CCSER1: variants seen among roughly 807,000 people sequenced by gnomAD.
CCSER1 encodes the protein serine-rich coiled-coil domain-containing protein 1.
In CCSER1, 41 loss-of-function variants were observed where a neutral mutation model predicts 82.0. The observed-to-expected ratio is 0.50, with a 90% CI of 0.39 to 0.65. The LOEUF (loss-of-function observed/expected upper bound fraction) is 0.65. Ranked by LOEUF, CCSER1 falls within the 30% of genes least tolerant of loss-of-function variation. The probability of loss-of-function intolerance (pLI) is 0.00; values close to 1 mark genes in which losing one functional copy is unlikely to be tolerated. For synonymous variants in CCSER1, 414 were observed against 383.9 expected (o/e 1.08, Z -0.92); for missense variants, 1,119 against 1,064.2 (o/e 1.05, Z -0.72).
intron 7 of CCSER1, among the ~76,000 whole-genome samples, chr4:90,747,422 C>G (rs1747679949): frequency 6.6e-6 from 1 of 151,660 alleles, no homozygotes; most frequent in African/African-American, 2.4e-5. Context: ...ACTATAGCAA[C>G]AAAATACCAG....
At chr4:90,265,877 G>A (rs557373513) in intron 1 of CCSER1, among the ~76,000 whole-genome samples, 231 of 152,116 alleles carry the variant, frequency 1.5e-3, no homozygotes, top group African/African-American at 5.4e-3. Context: ...TGCTTAAATA[G>A]CTCTATTATA....
Position 90,542,248 on chromosome 4 carries a change from T to C in CCSER1, c.1724+73894T>C, listed in dbSNP as rs572061369. On this transcript the variant is annotated intron_variant, in intron 5 of 10. Coordinates refer to ENST00000509176, the MANE Select transcript of CCSER1 (RefSeq NM_001145065.2). ...AAACAGTCATCAAAATGACCAAGAGTAATATAGCCTCAGATTTCTCTTTGT... is the reference window on the plus strand; with the variant it reads ...AAACAGTCATCAAAATGACCAAGAGCAATATAGCCTCAGATTTCTCTTTGT... 2.6e-5 allele frequency among the ~76,000 whole-genome samples: 4 copies of C among 152,068 alleles called. No homozygotes were observed. The East Asian group carries it at 7.7e-4, about 29-fold the overall frequency.
intron 6 of CCSER1, among the ~76,000 whole-genome samples, chr4:90,666,913 G>A (rs545877932): frequency 6.6e-6 from 1 of 152,214 alleles, no homozygotes; most frequent in South Asian, 2.1e-4. Context: ...AGTGGTGAAA[G>A]GCAAAGTGAA....
intron 9 of CCSER1, among the ~76,000 whole-genome samples, chr4:90,940,561 A>G (rs1731472806): frequency 1.3e-5 from 2 of 152,222 alleles, no homozygotes; most frequent in South Asian, 4.1e-4. Context: ...TTTTGTTTTT[A>G]GAAAAATGCG....
At position 90,559,772 on chromosome 4, in the gene CCSER1, T is replaced by G. The variant is rs1041996067; in HGVS notation, c.1725-68253T>G. On this transcript the variant is annotated intron_variant, in intron 5 of 10. Transcript: ENST00000509176. The stretch of plus-strand genomic sequence containing the variant: ...TTGCAGTGCGCCGAGATCGCGCCAC[T>G]GCACTCCAGCCTGGGAGACAGACCG... Among the ~76,000 whole-genome samples, 4 of 130,582 alleles carry G rather than the reference T, an allele frequency of 3.1e-5. No individual in the cohort carries two copies. The East Asian group carries it at 9.8e-4, about 32-fold the overall frequency. 85.7% of individuals were successfully genotyped at this position (130,582 alleles called of 152,430 possible).
chr4:91,365,232 C>G (rs1003554559), intron 10 of CCSER1, among the ~76,000 whole-genome samples: 3 of 152,096 alleles, frequency 2.0e-5, no homozygotes, highest in Admixed American at 1.3e-4. Context: ...ATGGGCTGAC[C>G]TGAGGTAAAC....
chr4:91,106,709 T>A (rs1184356364), intron 10 of CCSER1, among the ~76,000 whole-genome samples: 1 of 152,208 alleles, frequency 6.6e-6, no homozygotes, highest in African/African-American at 2.4e-5. Flanking sequence ...AGTTATTTAT[T>A]CTATTTCTCT....
chr4:90,838,605 A>G (rs1453584029), intron 8 of CCSER1, among the ~76,000 whole-genome samples: 1 of 151,472 alleles, frequency 6.6e-6, no homozygotes, highest in African/African-American at 2.4e-5. Flanking sequence ...AGCCTGCAGG[A>G]CACCTTGGGC....
intron 9 of CCSER1, among the ~76,000 whole-genome samples, chr4:91,003,652 A>G (rs1337267853): frequency 6.6e-6 from 1 of 152,078 alleles, no homozygotes; most frequent in Non-Finnish European, 1.5e-5. Flanking sequence ...CCTGCCAGCT[A>G]TGAGAGCAGT....
rs184749091 is a variant in CCSER1, at chr4:91,039,787, C to T, written c.2173-46163C>T. Among the ~76,000 whole-genome samples, 6 of 150,620 alleles carry T rather than the reference C, an allele frequency of 4.0e-5. No individual in the cohort carries two copies. In the South Asian group the frequency reaches 6.3e-4, roughly 16 times the overall value. On this transcript the variant is annotated intron_variant, in intron 9 of 10. Transcript: ENST00000509176. The stretch of plus-strand genomic sequence containing the variant: ...AATATCCACGTATGTGATATATATA[C>T]ACACACACACATACACGTAACATAT...
intron 10 of CCSER1, among the ~76,000 whole-genome samples, chr4:91,478,019 A>C (rs1757687327): frequency 6.6e-6 from 1 of 151,888 alleles, no homozygotes; most frequent in African/African-American, 2.4e-5. Context: ...CAATAATCTT[A>C]ATTCATCAGG....
intron 4 of CCSER1, chr4:90,403,820 A>G (rs1018814183): frequency 1.3e-5 from 2 of 152,202 alleles, no homozygotes; most frequent in Non-Finnish European, 2.9e-5. Context: ...AGACCACAGA[A>G]GACAAGATTA....
Position 90,384,702 on chromosome 4 carries a change from C to T in CCSER1, c.1510-15334C>T, listed in dbSNP as rs187190280. ...CAGTCATCCAAGGCTTCTCTATGCCCCACTAATGGACCAGGCTTACACACA... is the reference window on the plus strand; with the variant it reads ...CAGTCATCCAAGGCTTCTCTATGCCTCACTAATGGACCAGGCTTACACACA... On this transcript the variant is annotated intron_variant, in intron 3 of 10. Coordinates refer to ENST00000509176, the MANE Select transcript of CCSER1 (RefSeq NM_001145065.2). 5.1e-3 allele frequency among the ~76,000 whole-genome samples: 780 copies of T among 152,190 alleles called. 7 individuals are homozygous for T. The highest frequency in any genetic ancestry group is 0.016 in the African/African-American group (649 of 41,520).
At chr4:91,399,056 A>T (rs1437621608) in intron 10 of CCSER1, among the ~76,000 whole-genome samples, 1 of 151,976 alleles carries the variant, frequency 6.6e-6, no homozygotes, top group South Asian at 2.1e-4. Context: ...TGTAAAAAAA[A>T]TTAAACCACT....
chr4:91,105,849 T>C (rs1375909094), intron 10 of CCSER1, among the ~76,000 whole-genome samples: 1 of 152,218 alleles, frequency 6.6e-6, no homozygotes, highest in East Asian at 1.9e-4. Flanking sequence ...GGTAAAAACC[T>C]GTCCTAAACT....
intron 6 of CCSER1, among the ~76,000 whole-genome samples, chr4:90,688,018 C>G (rs1735135984): frequency 6.6e-6 from 1 of 152,070 alleles, no homozygotes; most frequent in Non-Finnish European, 1.5e-5. Flanking sequence ...GCTCGATATT[C>G]ATAAACATTT....
intron 1 of CCSER1, among the ~76,000 whole-genome samples, chr4:90,205,381 T>C (rs1409505367): frequency 2.6e-5 from 4 of 152,156 alleles, no homozygotes; most frequent in East Asian, 1.9e-4. Flanking sequence ...ATACCTAGTT[T>C]ATTGAGAGTT....
chr4:91,116,889 T>G (rs188433400), intron 10 of CCSER1, among the ~76,000 whole-genome samples: 1 of 152,342 alleles, frequency 6.6e-6, no homozygotes, highest in African/African-American at 2.4e-5. Context: ...TAAAAATTAC[T>G]TAAATGAGAG....
intron 6 of CCSER1, among the ~76,000 whole-genome samples, chr4:90,699,482 TC>T (rs776251074): frequency 2.0e-5 from 3 of 152,050 alleles, no homozygotes; most frequent in Non-Finnish European, 2.9e-5. Flanking sequence ...GGGTTAGACT[TC>T]CCCCAAACAG....
Sources: gnomAD v4.1 joint callset for allele counts (sites outside exome capture counted in the v4.1 genomes callset) on GRCh38, gnomAD v4.1.1 for gene constraint, MANE v1.5 for transcripts, NCBI Gene and HGNC (gene_info 2026-07-23, HGNC 2026-07-21) for gene names.